The following CENPE variants were observed in gnomAD, a reference collection of about 807,000 sequenced individuals.
CENPE encodes centromere protein E, also known as centromere-associated protein E.
CENPE carries 145 observed loss-of-function variants against 336.1 expected under a neutral mutation model. The observed-to-expected ratio is 0.43, with a 90% CI of 0.38 to 0.50. The LOEUF is 0.50. CENPE is among the 20% of genes least tolerant of loss of function. CENPE has a pLI of 0.00. For synonymous variants in CENPE, 1,013 were observed against 984.8 expected, an observed-to-expected ratio of 1.03 and a Z score of -0.54; for missense variants, 2,719 against 3,023.3, an observed-to-expected ratio of 0.90 and a Z score of 2.36.
At chr4:103,141,152 A>G in intron 35 of CENPE, 48 bp from the exon 36 acceptor site, 1 of 1,092,616 alleles carries the variant, frequency 9.2e-7, no homozygotes, top group Non-Finnish European at 1.3e-6. Context: ...TTAGGGACAG[A>G]TAAATAATAG....
At chr4:103,111,089 AC>A (rs1327282261) in intron 46 of CENPE, 78 bp from the exon 47 acceptor site, 1 of 1,094,466 alleles carries the variant, frequency 9.1e-7, no homozygotes, top group African/African-American at 1.6e-5. Flanking sequence ...ACTACCAAGT[AC>A]AATAAGCCAT....
chr4:103,106,285 A>G lies in CENPE; in HGVS notation c.8043T>C (p.Asp2681=). The G allele has an allele frequency of 6.2e-7, 1 of 1,601,780 alleles. No homozygotes were observed. Among genetic ancestry groups the G allele is most frequent in the Non-Finnish European group, 8.5e-7 (1 of 1,173,220 alleles). The part of the protein sequence containing the change: ...EVQNAGAESV[D]SQPGPWHASS... ...AGGCGTGCCAAGGACCTGGCTGAGA[A>G]TCCACACTCTCTGCTCCTGCATTTT... Residue 2681 remains aspartate (D), a synonymous_variant, in exon 49 of 49, where the codon GAT becomes GAC. Transcript: ENST00000265148.
In CENPE at chr4:103,185,844, T is replaced by C. The variant is rs1388419332; in HGVS notation, c.711A>G (p.Ala237=). The part of the protein sequence containing the change: ...KVSHLNLVDL[A]GSERAAQTGA... ...CTGTTTGAGCAGCTCTTTCACTGCC[T>C]GCAAGATCAACCAAATTCTGTAAGA... is the stretch of plus-strand genomic sequence containing the variant. The change falls in exon 9 of 49, where the codon GCA becomes GCG. Residue 237 remains alanine, a synonymous_variant. Coordinates refer to ENST00000265148, the MANE Select transcript of CENPE (RefSeq NM_001813.3). 3 of 1,609,478 alleles carry C rather than the reference T, an allele frequency of 1.9e-6. No homozygotes were observed. Among genetic ancestry groups the C allele is most frequent in the Admixed American group, 3.4e-5 (2 of 59,658 alleles).
rs367881445 is a variant in CENPE at position 103,161,267 on chromosome 4, T to C, written c.1966-16A>G. On this transcript the variant is annotated splice_polypyrimidine_tract_variant and intron_variant, in intron 19 of 48. Transcript: ENST00000265148. ...CAAGTTCTTTCTATTGAGAAAAACA[T>C]TGCAAATGCACAAAAATACACTGAT... 3.1e-6 allele frequency: 5 copies of C among 1,605,926 alleles called. No homozygotes were observed. Among genetic ancestry groups the C allele is most frequent in the Non-Finnish European group, 4.2e-6 (5 of 1,177,060 alleles).
rs138882212 is a variant in CENPE at position 103,132,800 on chromosome 4, C to T, written c.6817G>A (p.Glu2273Lys). 1.4e-4 allele frequency: 223 copies of T among 1,579,204 alleles called. No individual in the cohort carries two copies. The highest frequency in any genetic ancestry group is 1.9e-4 in the Non-Finnish European group (214 of 1,155,018). ...TCAAAACGAGTATTTAACCACTCTTCCAAAAACTGTGTCATTTCTTTCCTA... is the reference window on the plus strand; with the variant it reads ...TCAAAACGAGTATTTAACCACTCTTTCAAAAACTGTGTCATTTCTTTCCTA... ...SNRKEMTQFL[E>K]EWLNTRFDIE... Residue 2273 changes from glutamate (E) to lysine (K), a missense_variant, in exon 42 of 49, where the codon GAA (glutamate) becomes AAA (lysine). By Grantham distance (56) the Glu-to-Lys change is moderately conservative (BLOSUM62 1). Coordinates refer to ENST00000265148, the MANE Select transcript of CENPE (RefSeq NM_001813.3).
chr4:103,194,094 G>A, intron 8 of CENPE, 135 bp downstream of exon 8: 1 of 659,272 alleles, frequency 1.5e-6, no homozygotes, highest in Non-Finnish European at 2.6e-6. Context: ...ATACTGACAA[G>A]ACTAAGCAGA....
chr4:103,181,256 T>G (rs1578672851), intron 12 of CENPE, 81 bp downstream of exon 12: 1 of 973,478 alleles, frequency 1.0e-6, no homozygotes, highest in East Asian at 3.1e-5. Flanking sequence ...TATTCAGGAA[T>G]GAAGAGTCTC....
intron 45 of CENPE, among the ~76,000 whole-genome samples, chr4:103,114,905 G>A (rs1749944182): frequency 6.6e-6 from 1 of 152,188 alleles, no homozygotes; most frequent in East Asian, 1.9e-4. Flanking sequence ...TAAGGAGCAT[G>A]AAAGAGAAAG....
intron 24 of CENPE, among the ~76,000 whole-genome samples, chr4:103,156,844 G>C (rs1273293009): frequency 2.0e-5 from 3 of 151,716 alleles, no homozygotes; most frequent in Non-Finnish European, 4.4e-5. Flanking sequence ...CTGATAAAGG[G>C]GTAATATTCA....
At chr4:103,162,574 ATTTT>A in intron 18 of CENPE, among the ~76,000 whole-genome samples, 1 of 145,912 alleles carries the variant, frequency 6.9e-6, no homozygotes, top group Admixed American at 6.8e-5. Flanking sequence ...AATTTTACTG[ATTTT>A]TTTTTTTTTT....
At chr4:103,128,843 C>A (rs1751351284) in intron 42 of CENPE, among the ~76,000 whole-genome samples, 2 of 151,816 alleles carry the variant, frequency 1.3e-5, no homozygotes, top group African/African-American at 4.8e-5. Flanking sequence ...CAAATTAAAT[C>A]CAAAGTAAGC....
chr4:103,160,850 T>A, intron 20 of CENPE, 71 bp from the exon 21 acceptor site: 2 of 1,311,418 alleles, frequency 1.5e-6, no homozygotes, highest in Non-Finnish European at 2.1e-6. Flanking sequence ...TAATTGTCCT[T>A]GAATCACCTT....
chr4:103,138,294 G>T, intron 39 of CENPE, 57 bp downstream of exon 39: 2 of 1,185,072 alleles, frequency 1.7e-6, no homozygotes, highest in South Asian at 1.2e-5. Flanking sequence ...TTCAGGTTTC[G>T]GTAAGCCTTT....
intron 16 of CENPE, among the ~76,000 whole-genome samples, chr4:103,167,860 C>T (rs922620245): frequency 6.6e-6 from 1 of 152,196 alleles, no homozygotes; most frequent in Non-Finnish European, 1.5e-5. Flanking sequence ...GGAGAAATCA[C>T]ACACTCTAGG....
At chr4:103,179,880 A>G (rs929361625) in intron 13 of CENPE, among the ~76,000 whole-genome samples, 1 of 152,192 alleles carries the variant, frequency 6.6e-6, no homozygotes, top group Non-Finnish European at 1.5e-5. Flanking sequence ...AATCACACCA[A>G]CAAAGTAAGA....
chr4:103,131,008 G>C (rs1230368442), intron 42 of CENPE, among the ~76,000 whole-genome samples: 1 of 151,494 alleles, frequency 6.6e-6, no homozygotes, highest in East Asian at 1.9e-4. Flanking sequence ...AGACAGCATA[G>C]GAGAAAATCT....
intron 8 of CENPE, among the ~76,000 whole-genome samples, chr4:103,191,348 C>T (rs943819777): frequency 1.3e-5 from 2 of 152,114 alleles, no homozygotes; most frequent in African/African-American, 4.8e-5. Flanking sequence ...CACATGCACA[C>T]GTATATTTAT....
At chr4:103,175,218 T>C (rs1366406789) in intron 15 of CENPE, among the ~76,000 whole-genome samples, 1 of 152,040 alleles carries the variant, frequency 6.6e-6, no homozygotes, top group African/African-American at 2.4e-5. Context: ...CAGATGGTTC[T>C]GAATTCAAGA....
intron 16 of CENPE, among the ~76,000 whole-genome samples, chr4:103,165,987 G>A (rs911646385): frequency 2.6e-5 from 4 of 151,780 alleles, no homozygotes; most frequent in Admixed American, 6.6e-5. Context: ...TGTGATACAT[G>A]TCATATATTC....
Sources: allele counts gnomAD v4.1 joint callset (sites outside exome capture counted in the v4.1 genomes callset), GRCh38; gene constraint gnomAD v4.1.1; transcripts MANE v1.5; gene names NCBI Gene and HGNC (gene_info 2026-07-23, HGNC 2026-07-21).